RANBP2: variants seen among roughly 807,000 people sequenced by gnomAD.
The protein encoded by RANBP2 is E3 SUMO-protein ligase RanBP2.
A neutral mutation model predicts 303.6 loss-of-function variants in RANBP2; 57 were observed. The observed-to-expected ratio is 0.19, with a 90% CI of 0.15 to 0.23. The LOEUF (loss-of-function observed/expected upper bound fraction) is 0.23, where lower values mean the gene tolerates loss of function less well. RANBP2 is among the 10% of genes least tolerant of loss of function. The pLI is 1.00. For missense variants in RANBP2, 3,138 were observed against 3,780.8 expected (o/e 0.83, Z 4.46); for synonymous variants, 1,167 against 1,301.5 (o/e 0.90, Z 2.23).
At chr2:109,326,798 G>A in the RANBP2 span, among the ~76,000 whole-genome samples, 1 of 152,192 alleles carries the variant, frequency 6.6e-6, no homozygotes, top group African/African-American at 2.4e-5. Flanking sequence ...CAATAAAGTA[G>A]GTTTTCTTAG....
the RANBP2 span, among the ~76,000 whole-genome samples, chr2:109,710,451 A>G: frequency 4.6e-5 from 7 of 152,162 alleles, no homozygotes; most frequent in Non-Finnish European, 8.8e-5. Context: ...TATTTCTAAC[A>G]TGAATTTGTG....
chr2:109,546,794 A>G, the RANBP2 span, among the ~76,000 whole-genome samples: 1 of 152,336 alleles, frequency 6.6e-6, no homozygotes, highest in South Asian at 2.1e-4. Context: ...AAAAAATCCT[A>G]AATTCAGAGA....
At chr2:108,791,668 T>G in the RANBP2 span, 1 of 1,602,350 alleles carries the variant, frequency 6.2e-7, no homozygotes, top group Non-Finnish European at 8.5e-7. Context: ...CAATTATTTT[T>G]TTAAAGCCTA....
the RANBP2 span, among the ~76,000 whole-genome samples, chr2:109,228,102 A>T: frequency 6.6e-6 from 1 of 152,220 alleles, no homozygotes; most frequent in African/African-American, 2.4e-5. Flanking sequence ...CTCTTGACAC[A>T]TACAGGCAAT....
At chr2:109,156,732 C>T in the RANBP2 span, among the ~76,000 whole-genome samples, 2 of 152,116 alleles carry the variant, frequency 1.3e-5, no homozygotes, top group Admixed American at 6.5e-5. Context: ...CATGAGCCAC[C>T]GTGCCCGGCC....
chr2:109,595,362 C>T, the RANBP2 span, among the ~76,000 whole-genome samples: 1 of 152,160 alleles, frequency 6.6e-6, no homozygotes, highest in Admixed American at 6.5e-5. Flanking sequence ...AGAGACTAGC[C>T]TGATTTTAAT....
At chr2:109,140,256 C>G in the RANBP2 span, among the ~76,000 whole-genome samples, 2 of 152,196 alleles carry the variant, frequency 1.3e-5, no homozygotes, top group Non-Finnish European at 2.9e-5. Flanking sequence ...TCTCTCTCTT[C>G]CTGAGATCAG....
Position 108,782,645 on chromosome 2 carries a change from A to G in RANBP2, c.9152A>G (p.His3051Arg). ...AATTTAATGAAACTCCAGAAAGGAC[A>G]TGTATCACTGGCAGCAGAATTATCA... ...QQNLMKLQKGHVSLAAELSKE... is the reference protein window; with the variant it reads ...QQNLMKLQKGRVSLAAELSKE... Residue 3051 changes from histidine to arginine, a missense_variant, in exon 28 of 29, where the codon CAT becomes CGT. This residue lies in a region of RANBP2 where 204 missense variants were observed against 228.4 expected (regional missense o/e 0.89). Coordinates refer to ENST00000283195, the MANE Select transcript of RANBP2 (RefSeq NM_006267.5). 3 of 1,614,200 alleles carry G rather than the reference A, an allele frequency of 1.9e-6. No individual in the cohort carries two copies. The highest frequency in any genetic ancestry group is 1.3e-5 in the African/African-American group (1 of 75,052).
At chr2:109,140,799 T>C in the RANBP2 span, among the ~76,000 whole-genome samples, 3 of 152,206 alleles carry the variant, frequency 2.0e-5, no homozygotes, top group Admixed American at 6.5e-5. Context: ...AAAGGTAACA[T>C]CTCCTCTGTG....
At chr2:109,709,376 TAACAA>T in the RANBP2 span, among the ~76,000 whole-genome samples, 22 of 126,930 alleles carry the variant, frequency 1.7e-4, no homozygotes, top group Non-Finnish European at 3.4e-4. Context: ...ATAATAAAAA[TAACAA>T]AACAAAACAA....
the RANBP2 span, among the ~76,000 whole-genome samples, chr2:109,408,113 C>G: frequency 6.6e-6 from 1 of 152,162 alleles, no homozygotes; most frequent in East Asian, 1.9e-4. Context: ...AAGAGTCACT[C>G]CCTTGTCCTA....
At chr2:109,190,684 C>T in the RANBP2 span, among the ~76,000 whole-genome samples, 1 of 152,102 alleles carries the variant, frequency 6.6e-6, no homozygotes, top group Non-Finnish European at 1.5e-5. Flanking sequence ...CATTTAAAAT[C>T]ACCTGCTGAT....
the RANBP2 span, chr2:109,501,728 C>G: frequency 5.7e-6 from 4 of 703,924 alleles, no homozygotes; most frequent in Non-Finnish European, 1.1e-5. Context: ...GGAAGCTCCA[C>G]GGCACACAGA....
In RANBP2 at chr2:108,719,559, G is replaced by T. The variant is rs1694035613; in HGVS notation, c.-48G>T. On this transcript the variant is annotated 5_prime_UTR_variant, in exon 1 of 29. Coordinates refer to ENST00000283195, the MANE Select transcript of RANBP2 (RefSeq NM_006267.5). ...CCTCTTGGAAGTGGCGACTGCTGCG[G>T]GCCTGAGCGCTGGTCTCACGCGCCT... 3 of 1,575,560 alleles carry T rather than the reference G, an allele frequency of 1.9e-6. No homozygotes were observed. Among genetic ancestry groups the T allele is most frequent in the African/African-American group, 1.3e-5 (1 of 74,454 alleles).
chr2:109,006,193 TTTC>T, the RANBP2 span, among the ~76,000 whole-genome samples: 1 of 152,050 alleles, frequency 6.6e-6, no homozygotes, highest in African/African-American at 2.4e-5. Context: ...TCTTTTTCTT[TTTC>T]TTTTTTTTTA....
chr2:109,238,302 T>C, the RANBP2 span, among the ~76,000 whole-genome samples: 2 of 152,218 alleles, frequency 1.3e-5, 1 homozygote, highest in African/African-American at 4.8e-5. Context: ...AGTACACTAA[T>C]ATCACTGTAT....
the RANBP2 span, among the ~76,000 whole-genome samples, chr2:109,134,257 C>T: frequency 6.6e-6 from 1 of 152,130 alleles, no homozygotes; most frequent in African/African-American, 2.4e-5. Flanking sequence ...GTTCCTCCGC[C>T]CTTCTGTCCA....
chr2:108,812,704 T>C, the RANBP2 span: 1 of 1,607,664 alleles, frequency 6.2e-7, no homozygotes. Flanking sequence ...TTAGATAATT[T>C]ACAGGTAAGT....
chr2:108,797,138 T>C, the RANBP2 span, among the ~76,000 whole-genome samples: 4 of 152,122 alleles, frequency 2.6e-5, no homozygotes, highest in Non-Finnish European at 5.9e-5. Flanking sequence ...TTTTAGCCAT[T>C]GAGTGGATAT....
Sources: allele counts gnomAD v4.1 joint callset (sites outside exome capture counted in the v4.1 genomes callset), GRCh38; gene constraint gnomAD v4.1.1; regional missense constraint gnomAD v4.1.1; transcripts MANE v1.5; gene names NCBI Gene and HGNC (gene_info 2026-07-23, HGNC 2026-07-21).